Variants in NEK1 observed in about 807,000 individuals in gnomAD.
The protein encoded by NEK1 is NIMA related kinase 1.
NEK1 carries 137 observed loss-of-function variants against 182.1 expected under a neutral mutation model. The ratio of observed to expected loss-of-function variants is 0.75; its 90% CI spans 0.65 to 0.87. NEK1 has a LOEUF of 0.87. Among genes scored for constraint, NEK1 ranks in the 40% least tolerant of loss-of-function variants. The pLI, the probability that NEK1 is intolerant of heterozygous loss-of-function variation, is 0.00. For missense variants in NEK1, 1,391 were observed against 1,494.4 expected, an observed-to-expected ratio of 0.93 and a Z score of 1.14; for synonymous variants, 513 against 492.2, an observed-to-expected ratio of 1.04 and a Z score of -0.56.
intron 11 of NEK1, among the ~76,000 whole-genome samples, chr4:169,580,481 C>T (rs1376452268): frequency 2.1e-4 from 21 of 101,886 alleles, no homozygotes; most frequent in Admixed American, 9.1e-4. Context: ...TGGGCAAGAG[C>T]GAAACTTCAT....
At chr4:169,437,189 A>G (rs115096109) in intron 28 of NEK1, among the ~76,000 whole-genome samples, 125 of 149,036 alleles carry the variant, frequency 8.4e-4, no homozygotes, top group Non-Finnish European at 1.6e-3. Flanking sequence ...TTGTTTCACC[A>G]TTGTATTTTG....
At chr4:169,423,351 C>T (rs981359766) in intron 31 of NEK1, among the ~76,000 whole-genome samples, 4 of 152,128 alleles carry the variant, frequency 2.6e-5, no homozygotes, top group Non-Finnish European at 2.9e-5. Context: ...GATCCGCCCA[C>T]CCCAGCTTCC....
intron 18 of NEK1, among the ~76,000 whole-genome samples, chr4:169,546,491 ATTAGGTCCGC>A: frequency 6.6e-6 from 1 of 152,122 alleles, no homozygotes; most frequent in Non-Finnish European, 1.5e-5. Flanking sequence ...GTAGATGTCT[ATTAGGTCCGC>A]TCAGTCCAGA....
intron 5 of NEK1, among the ~76,000 whole-genome samples, chr4:169,591,144 G>GCCCCC (rs553204329): frequency 1.5e-5 from 2 of 134,600 alleles, no homozygotes; most frequent in African/African-American, 6.1e-5. Context: ...TTTCTATAAC[G>GCCCCC]CCCCCCCCCC....
chr4:169,544,673 T>C (rs1760074273), intron 18 of NEK1, among the ~76,000 whole-genome samples: 1 of 150,404 alleles, frequency 6.6e-6, no homozygotes, highest in Admixed American at 6.7e-5. Flanking sequence ...TTGTTATTGG[T>C]CTATTCAGGG....
chr4:169,551,905 CAAT>C (rs1289379531), intron 18 of NEK1, among the ~76,000 whole-genome samples: 2 of 151,534 alleles, frequency 1.3e-5, no homozygotes, highest in Admixed American at 1.3e-4. Context: ...TATGAAAGGA[CAAT>C]AATAAGGTAG....
intron 27 of NEK1, among the ~76,000 whole-genome samples, chr4:169,443,062 T>TCTATCTATCTATCTAC (rs1739811920): frequency 6.9e-6 from 1 of 145,858 alleles, no homozygotes; most frequent in African/African-American, 2.7e-5. Context: ...TATCTATCTA[T>TCTATCTATCTATCTAC]CTATCTATCT....
chr4:169,554,596 T>A (rs542348981), intron 18 of NEK1: 1 of 152,090 alleles, frequency 6.6e-6, no homozygotes, highest in African/African-American at 2.4e-5. Flanking sequence ...TCCAAGTATA[T>A]GATATTCTAG....
At chr4:169,484,518 T>C (rs1483959289) in intron 23 of NEK1, among the ~76,000 whole-genome samples, 1 of 152,036 alleles carries the variant, frequency 6.6e-6, no homozygotes, top group Non-Finnish European at 1.5e-5. Flanking sequence ...GAGGGGACTG[T>C]AAATTAGAAA....
rs1581094489 is a variant in NEK1 at position 169,602,764 on chromosome 4, C to A, written c.-48-86G>T. 7 of 562,114 alleles carry A rather than the reference C, an allele frequency of 1.2e-5. No individual in the cohort carries two copies. The East Asian group carries it at 2.2e-4, about 18-fold the overall frequency. 34.8% of individuals were successfully genotyped at this position (562,114 alleles called of 1,614,324 possible). A position where few individuals can be genotyped will look rare whatever the true frequency, so the allele number is the denominator to read the frequency against. On this transcript the variant is annotated intron_variant, in intron 2 of 35. Coordinates refer to ENST00000507142, the MANE Select transcript of NEK1 (RefSeq NM_001199397.3). ...TTAATGTTTAATTCAAATTCTAATT[C>A]TTTAGTGATTTGCTAACATTTTAAA...
intron 32 of NEK1, among the ~76,000 whole-genome samples, chr4:169,402,829 T>C (rs1265355010): frequency 6.6e-6 from 1 of 152,182 alleles, no homozygotes; most frequent in Admixed American, 6.5e-5. Context: ...AAAAATTTTT[T>C]TCCTCTTATG....
intron 27 of NEK1, among the ~76,000 whole-genome samples, chr4:169,446,640 G>A (rs1187000429): frequency 2.0e-5 from 3 of 151,968 alleles, no homozygotes; most frequent in Non-Finnish European, 2.9e-5. Flanking sequence ...GCTGTTTTAA[G>A]GAAACTCAAT....
At chr4:169,537,283 A>G (rs1758662579) in intron 19 of NEK1, among the ~76,000 whole-genome samples, 3 of 152,208 alleles carry the variant, frequency 2.0e-5, no homozygotes, top group South Asian at 4.1e-4. Context: ...TAAAAACTTA[A>G]TATTTTCTTG....
intron 35 of NEK1, among the ~76,000 whole-genome samples, chr4:169,397,515 T>C (rs1046398412): frequency 6.6e-6 from 1 of 152,132 alleles, no homozygotes; most frequent in African/African-American, 2.4e-5. Context: ...CCTGCTGTAA[T>C]GGTATGTACT....
At chr4:169,495,780 G>A (rs963678313) in intron 23 of NEK1, among the ~76,000 whole-genome samples, 7 of 152,166 alleles carry the variant, frequency 4.6e-5, no homozygotes, top group Non-Finnish European at 8.8e-5. Context: ...TTTGGTACCA[G>A]TACCATGCTG....
chr4:169,448,027 C>T (rs1740909203), intron 27 of NEK1, among the ~76,000 whole-genome samples: 1 of 151,710 alleles, frequency 6.6e-6, no homozygotes, highest in Admixed American at 6.6e-5. Context: ...GCCTGGGCAA[C>T]AGGCAAAACC....
At chr4:169,596,550 T>C (rs746959957) in intron 5 of NEK1, among the ~76,000 whole-genome samples, 2 of 152,208 alleles carry the variant, frequency 1.3e-5, no homozygotes, top group Non-Finnish European at 2.9e-5. Flanking sequence ...AATAAAGTCA[T>C]AGACTCAGGT....
intron 27 of NEK1, among the ~76,000 whole-genome samples, chr4:169,449,802 A>G (rs903928827): frequency 2.6e-5 from 4 of 152,254 alleles, no homozygotes; most frequent in Non-Finnish European, 5.9e-5. Flanking sequence ...TGCCAGCAAC[A>G]GAACAAAGCT....
At chr4:169,458,538 A>G (rs1438556994) in intron 27 of NEK1, among the ~76,000 whole-genome samples, 2 of 152,106 alleles carry the variant, frequency 1.3e-5, no homozygotes, top group Non-Finnish European at 2.9e-5. Context: ...GACCAGCCTA[A>G]GCAACACGGA....
Sources: gnomAD v4.1 joint callset for allele counts (sites outside exome capture counted in the v4.1 genomes callset) on GRCh38, gnomAD v4.1.1 for gene constraint, MANE v1.5 for transcripts, NCBI Gene and HGNC (gene_info 2026-07-23, HGNC 2026-07-21) for gene names.